Variants in METTL15 observed in about 807,000 individuals in gnomAD.
METTL15 encodes the protein methyltransferase 15, mitochondrial 12S rRNA N4-cytidine.
A neutral mutation model predicts 38.3 loss-of-function variants in METTL15; 34 were observed. That is an observed-to-expected ratio of 0.89 (90% CI 0.68 to 1.18). The LOEUF (loss-of-function observed/expected upper bound fraction) is 1.18, where lower values mean the gene tolerates loss of function less well. Ranked by LOEUF, METTL15 falls within the 50% of genes most tolerant of loss-of-function variation. METTL15 has a pLI of 0.00. For synonymous variants in METTL15, 162 were observed against 170.9 expected (o/e 0.95, Z 0.41); for missense variants, 438 against 498.4 (o/e 0.88, Z 1.15).
intron 6 of METTL15, 86 bp downstream of exon 6, chr11:28,297,017 A>C: frequency 7.3e-7 from 1 of 1,366,572 alleles, no homozygotes; most frequent in South Asian, 1.3e-5. Context: ...ACGCATGCAC[A>C]TGTGTGTGTG....
intron 4 of METTL15, among the ~76,000 whole-genome samples, chr11:28,225,076 A>G (rs953549879): frequency 2.0e-5 from 3 of 151,790 alleles, no homozygotes; most frequent in Non-Finnish European, 3.0e-5. Flanking sequence ...AACCACCATC[A>G]TGTAAGGTGA....
At chr11:28,500,883 T>C (rs1187768992) in intron 6 of METTL15, among the ~76,000 whole-genome samples, 2 of 152,172 alleles carry the variant, frequency 1.3e-5, no homozygotes, top group African/African-American at 4.8e-5. Flanking sequence ...TTTTCCTCAG[T>C]AAGCCCAAGT....
chr11:28,345,513 A>G (rs1301024764), intron 3 of METTL15, among the ~76,000 whole-genome samples: 2 of 152,276 alleles, frequency 1.3e-5, no homozygotes, highest in East Asian at 3.9e-4. Context: ...CTAACTCAGG[A>G]TAGTCATATA....
intron 3 of METTL15, among the ~76,000 whole-genome samples, chr11:28,122,886 A>G (rs1852312706): frequency 6.6e-6 from 1 of 152,038 alleles, no homozygotes; most frequent in African/African-American, 2.4e-5. Context: ...TCCCAAACTA[A>G]TTCTTTGCTA....
intron 4 of METTL15, among the ~76,000 whole-genome samples, chr11:28,233,979 A>C (rs1590196611): frequency 1.1e-5 from 1 of 89,120 alleles, no homozygotes; most frequent in Non-Finnish European, 2.1e-5. Context: ...AACAGTCCCC[A>C]GAGTGTGATG....
intron 3 of METTL15, among the ~76,000 whole-genome samples, chr11:28,171,004 C>A (rs998706313): frequency 3.2e-4 from 48 of 152,106 alleles, no homozygotes; most frequent in Non-Finnish European, 6.8e-4. Context: ...GAATTCCAAC[C>A]ATTACTGCTT....
intron 6 of METTL15, among the ~76,000 whole-genome samples, chr11:28,482,863 T>C (rs1851406929): frequency 6.6e-6 from 1 of 152,180 alleles, no homozygotes; most frequent in Non-Finnish European, 1.5e-5. Context: ...GTTTGAACTA[T>C]GATTCAGAGA....
intron 6 of METTL15, among the ~76,000 whole-genome samples, chr11:28,430,004 C>T (rs968169603): frequency 7.3e-6 from 1 of 136,460 alleles, no homozygotes; most frequent in East Asian, 2.4e-4. Context: ...CGCCTCTGCC[C>T]CGCCGCCCCA....
chr11:28,426,359 G>A (rs1050425245), intron 6 of METTL15, among the ~76,000 whole-genome samples: 5 of 152,086 alleles, frequency 3.3e-5, no homozygotes, highest in African/African-American at 1.2e-4. Flanking sequence ...TGTTTAGTTT[G>A]ATTCCATATC....
chr11:28,174,802 G>A (rs903457690), intron 3 of METTL15, among the ~76,000 whole-genome samples: 3 of 126,960 alleles, frequency 2.4e-5, no homozygotes, highest in Admixed American at 9.0e-5. Context: ...GTGACAGAGC[G>A]AGATTCTGTC....
chr11:28,392,613 A>T (rs1183974950), intron 5 of METTL15, among the ~76,000 whole-genome samples: 1 of 152,148 alleles, frequency 6.6e-6, no homozygotes, highest in Non-Finnish European at 1.5e-5. Flanking sequence ...TTTATTGGAT[A>T]TAATAACAAA....
At chr11:28,393,057 C>T (rs1850528630) in intron 5 of METTL15, among the ~76,000 whole-genome samples, 1 of 152,050 alleles carries the variant, frequency 6.6e-6, no homozygotes, top group Non-Finnish European at 1.5e-5. Context: ...AATTGGAATG[C>T]CTGTGCACTT....
chr11:28,378,793 A>G (rs1234285524), intron 5 of METTL15, among the ~76,000 whole-genome samples: 2 of 132,592 alleles, frequency 1.5e-5, no homozygotes, highest in Admixed American at 8.4e-5. Flanking sequence ...GATTTTGAAT[A>G]GAATTAGTAT....
chr11:28,267,645 G>C (rs1176215117), intron 4 of METTL15, among the ~76,000 whole-genome samples: 1 of 152,088 alleles, frequency 6.6e-6, no homozygotes, highest in Non-Finnish European at 1.5e-5. Context: ...TATAAGTTCT[G>C]TTCCACAGAC....
intron 5 of METTL15, among the ~76,000 whole-genome samples, chr11:28,372,671 A>C (rs1450628349): frequency 6.6e-6 from 1 of 150,534 alleles, no homozygotes; most frequent in Non-Finnish European, 1.5e-5. Context: ...CACATTGTGC[A>C]GGTTAGTTAC....
chr11:28,181,259 ATT>A (rs71449171), intron 3 of METTL15, among the ~76,000 whole-genome samples: 1 of 133,792 alleles, frequency 7.5e-6, no homozygotes, highest in Admixed American at 8.2e-5. Context: ...TTAATTTTTA[ATT>A]TTTTTTTTTT....
chr11:28,167,928 C>T (rs1044935402), intron 3 of METTL15, among the ~76,000 whole-genome samples: 11 of 151,992 alleles, frequency 7.2e-5, no homozygotes, highest in Non-Finnish European at 1.2e-4. Context: ...ACAAAAATTG[C>T]ATTGATTTTA....
Position 28,471,698 on chromosome 11 carries a change from G to A in METTL15, c.*424+47334G>A, listed in dbSNP as rs1406247685. ...AGATATAATGCAAGCTTCTCTGAGG[G>A]TGTGCTAGATATTTCTTTATAACCC... On this transcript the variant is annotated intron_variant and NMD_transcript_variant, in intron 6 of 7. Transcript: ENST00000532947. 2.0e-5 allele frequency among the ~76,000 whole-genome samples: 3 copies of A among 151,852 alleles called. No homozygotes were observed. The East Asian group carries it at 5.8e-4, about 29-fold the overall frequency.
chr11:28,372,475 G>A lies in METTL15; in HGVS notation c.*358+10439G>A, dbSNP rs1292463761. On this transcript the variant is annotated intron_variant and NMD_transcript_variant, in intron 5 of 7. Transcript: ENST00000532947. ...CTTTTTTTTTTTTTTTTTTCTCCAT[G>A]CCAATACATGTTAAACCAGTGAGTT... Among the ~76,000 whole-genome samples, 4 of 111,844 alleles carry A rather than the reference G, an allele frequency of 3.6e-5. No homozygotes were observed. The East Asian group carries it at 1.1e-3, about 30-fold the overall frequency. The allele number at this position is 111,844 out of a possible 152,430, so 73.4% of individuals were successfully genotyped here. A position where few individuals can be genotyped will look rare whatever the true frequency, so the allele number is the denominator to read the frequency against.
Sources: gnomAD v4.1 joint callset for allele counts (sites outside exome capture counted in the v4.1 genomes callset) on GRCh38, gnomAD v4.1.1 for gene constraint, MANE v1.5 for transcripts, NCBI Gene and HGNC (gene_info 2026-07-23, HGNC 2026-07-21) for gene names.